The following COL5A2 variants were observed in gnomAD, a reference collection of about 807,000 sequenced individuals.
COL5A2 encodes collagen alpha-2(V) chain.
In COL5A2, 23 loss-of-function variants were observed where a neutral mutation model predicts 208.2. The observed-to-expected ratio is 0.11, with a 90% confidence interval of 0.08 to 0.16. COL5A2 has a LOEUF of 0.16. COL5A2 is among the 10% of genes least tolerant of loss of function. COL5A2 has a pLI of 1.00. For missense variants in COL5A2, 1,590 were observed against 1,956.4 expected (o/e 0.81, Z 3.53); for synonymous variants, 625 against 628.5 (o/e 0.99, Z 0.08).
the COL5A2 span, among the ~76,000 whole-genome samples, chr2:189,379,225 T>C: frequency 1.3e-5 from 2 of 152,182 alleles, no homozygotes; most frequent in East Asian, 1.9e-4. Flanking sequence ...ACACAGTCTT[T>C]AAATTTGCAG....
chr2:189,274,022 T>A, the COL5A2 span, among the ~76,000 whole-genome samples: 1 of 151,588 alleles, frequency 6.6e-6, no homozygotes, highest in African/African-American at 2.4e-5. Context: ...AAAAAAATGA[T>A]AAGAATGTGA....
the COL5A2 span, among the ~76,000 whole-genome samples, chr2:189,292,630 A>T: frequency 6.6e-6 from 1 of 152,178 alleles, no homozygotes; most frequent in Admixed American, 6.5e-5. Flanking sequence ...ATGTGGAGAA[A>T]TAGGAACACT....
the COL5A2 span, among the ~76,000 whole-genome samples, chr2:189,305,650 A>G: frequency 6.6e-6 from 1 of 152,142 alleles, no homozygotes; most frequent in Non-Finnish European, 1.5e-5. Flanking sequence ...GAACTCAGAT[A>G]GCTGCTTTGC....
chr2:189,346,826 T>C, the COL5A2 span, among the ~76,000 whole-genome samples: 1 of 152,112 alleles, frequency 6.6e-6, no homozygotes, highest in Non-Finnish European at 1.5e-5. Flanking sequence ...GACCTGGTGC[T>C]CTAAGGAAGA....
intron 1 of COL5A2, among the ~76,000 whole-genome samples, chr2:189,213,817 G>A (rs1325729739): frequency 6.6e-6 from 1 of 152,222 alleles, no homozygotes; most frequent in Admixed American, 6.5e-5. Context: ...TATTTTCACA[G>A]TTCCTCTGCA....
At chr2:189,235,994 T>G in the COL5A2 span, among the ~76,000 whole-genome samples, 2 of 148,572 alleles carry the variant, frequency 1.3e-5, no homozygotes, top group African/African-American at 5.0e-5. Context: ...TATTTGTCCA[T>G]CCCCCAATAA....
chr2:189,319,171 C>G, the COL5A2 span, among the ~76,000 whole-genome samples: 17 of 152,288 alleles, frequency 1.1e-4, no homozygotes, highest in Non-Finnish European at 1.9e-4. Context: ...TAAAACATGA[C>G]ATGTTAAAGA....
chr2:189,104,382 C>T (rs897354804), intron 2 of COL5A2, 105 bp from the exon 3 acceptor site: 1 of 842,848 alleles, frequency 1.2e-6, no homozygotes, highest in African/African-American at 1.7e-5. Context: ...GTCAGAATTA[C>T]AGTGATAGTG....
rs745405644 is a variant in COL5A2 at position 189,061,595 on chromosome 2, T to C, written c.1998A>G (p.Gly666=). The change falls in exon 30 of 54, where the codon GGA becomes GGG. Residue 666 remains glycine (G), a synonymous_variant. Transcript: ENST00000374866. ...VGPPGLAGER[G]EQGPPGPTGF... is the part of the protein sequence containing the mutation. ...CTGTGGGGCCTGGAGGTCCTTGTTC[T>C]CCTCTTTCACCAGCTAGACCCTAAG... 1 of 1,613,290 alleles carries C rather than the reference T, an allele frequency of 6.2e-7. No homozygotes were observed. The highest frequency in any genetic ancestry group is 1.3e-5 in the African/African-American group (1 of 75,012).
chr2:189,122,909 C>T lies in COL5A2; in HGVS notation c.98-12460G>A, dbSNP rs180752125. ...AGTTATGAGAACAGAGGTAAAGCCA[C>T]GAGACACTAGGTAGAAAATACGAAG... On this transcript the variant is annotated intron_variant, in intron 1 of 53. Coordinates refer to ENST00000374866, the MANE Select transcript of COL5A2 (RefSeq NM_000393.5). Among the ~76,000 whole-genome samples the T allele has an allele frequency of 1.4e-3, 212 of 151,938 alleles. 3 individuals carry two copies. The Middle Eastern group carries it at 0.02, about 15-fold the overall frequency.
the COL5A2 span, among the ~76,000 whole-genome samples, chr2:189,309,923 G>A: frequency 6.6e-6 from 1 of 152,118 alleles, no homozygotes; most frequent in Admixed American, 6.5e-5. Context: ...TGTTGACCAG[G>A]CTTAGTTACA....
chr2:189,316,587 C>G, the COL5A2 span, among the ~76,000 whole-genome samples: 3 of 151,774 alleles, frequency 2.0e-5, no homozygotes, highest in Non-Finnish European at 4.4e-5. Flanking sequence ...TGGGGTCCTT[C>G]AGAGGGTAAA....
the COL5A2 span, among the ~76,000 whole-genome samples, chr2:189,267,437 G>A: frequency 1.3e-5 from 2 of 151,982 alleles, no homozygotes; most frequent in Non-Finnish European, 2.9e-5. Context: ...CATTCATCTT[G>A]CAAAAACACA....
chr2:189,189,485 A>T (rs1472056084), intron 1 of COL5A2, among the ~76,000 whole-genome samples: 1 of 152,142 alleles, frequency 6.6e-6, no homozygotes, highest in Non-Finnish European at 1.5e-5. Context: ...GGAGTTAAAG[A>T]CCAGCCTGAG....
the COL5A2 span, among the ~76,000 whole-genome samples, chr2:189,267,468 C>T: frequency 2.2e-4 from 33 of 151,910 alleles, no homozygotes; most frequent in African/African-American, 7.7e-4. Flanking sequence ...AAGGAACATG[C>T]TAAATGCATT....
chr2:189,056,566 T>C (rs1685905938), intron 35 of COL5A2, among the ~76,000 whole-genome samples: 1 of 151,962 alleles, frequency 6.6e-6, no homozygotes, highest in Admixed American at 6.6e-5. Flanking sequence ...CACCCCAACA[T>C]CCAATATACT....
chr2:189,137,908 T>C (rs1005809678), intron 1 of COL5A2, among the ~76,000 whole-genome samples: 5 of 152,136 alleles, frequency 3.3e-5, no homozygotes, highest in Admixed American at 1.3e-4. Context: ...ATTCTAATAG[T>C]TTTTCAAAGC....
intron 18 of COL5A2, 102 bp from the exon 19 acceptor site, chr2:189,068,986 C>T: frequency 1.2e-6 from 1 of 818,396 alleles, no homozygotes; most frequent in Non-Finnish European, 2.1e-6. Context: ...AACCCAAATA[C>T]TGAAAGAGGC....
chr2:189,318,365 A>C, the COL5A2 span, among the ~76,000 whole-genome samples: 6 of 152,212 alleles, frequency 3.9e-5, no homozygotes, highest in Admixed American at 3.3e-4. Flanking sequence ...CATTTTACTA[A>C]ATTTCCTTCT....
Sources: allele counts gnomAD v4.1 joint callset (sites outside exome capture counted in the v4.1 genomes callset), GRCh38; gene constraint gnomAD v4.1.1; transcripts MANE v1.5; gene names NCBI Gene and HGNC (gene_info 2026-07-23, HGNC 2026-07-21).